The following SLC26A7 variants were observed in gnomAD, a reference collection of about 807,000 sequenced individuals.
SLC26A7 encodes anion exchange transporter.
In SLC26A7, 59 loss-of-function variants were observed where a neutral mutation model predicts 82.5. The ratio of observed to expected loss-of-function variants is 0.72; its 90% CI spans 0.58 to 0.89. The LOEUF (loss-of-function observed/expected upper bound fraction) is 0.89, where lower values mean the gene tolerates loss of function less well. SLC26A7 is among the 40% of genes least tolerant of loss of function. SLC26A7 has a pLI of 0.00. For missense variants in SLC26A7, 820 were observed against 793.0 expected (o/e 1.03, Z -0.41); for synonymous variants, 271 against 274.3 (o/e 0.99, Z 0.12).
chr8:91,333,102 C>CT (rs1813139798), intron 5 of SLC26A7, among the ~76,000 whole-genome samples: 1 of 152,044 alleles, frequency 6.6e-6, no homozygotes, highest in Non-Finnish European at 1.5e-5. Flanking sequence ...CTCACCCTAT[C>CT]TTTTTTGTGC....
intron 15 of SLC26A7, among the ~76,000 whole-genome samples, chr8:91,375,545 A>G (rs1003375790): frequency 1.3e-5 from 2 of 152,090 alleles, no homozygotes; most frequent in Non-Finnish European, 2.9e-5. Context: ...AGAAGGCTAA[A>G]AACAGACCCC....
intron 9 of SLC26A7, chr8:91,348,406 A>T (rs1294622364): frequency 1.0e-6 from 1 of 959,692 alleles, no homozygotes. Flanking sequence ...CTAGGTATGG[A>T]TAATAAAAAT....
intron 4 of SLC26A7, among the ~76,000 whole-genome samples, chr8:91,305,491 TATC>T (rs2130790269): frequency 6.6e-6 from 1 of 152,248 alleles, no homozygotes; most frequent in South Asian, 2.1e-4. Context: ...ATTTTAATAA[TATC>T]ATGCTTCCAA....
In SLC26A7 at chr8:91,298,235, AAGTGT is replaced by A. The variant is rs1812067532; in HGVS notation, c.477+2535_477+2539del. Among the ~76,000 whole-genome samples, 3 of 151,600 alleles carry A rather than the reference AAGTGT, an allele frequency of 2.0e-5. No homozygotes were observed. The South Asian group carries it at 6.2e-4, about 31-fold the overall frequency. On this transcript the variant is annotated intron_variant, in intron 4 of 18. Coordinates refer to ENST00000276609, the MANE Select transcript of SLC26A7 (RefSeq NM_052832.4). ...ACTGATAAGTAAGTTTCCCCCACTAAAGTGTAGCTTGTATTTGTCTAAATGTTCCC... is the reference window on the plus strand; with the variant it reads ...ACTGATAAGTAAGTTTCCCCCACTAAAGCTTGTATTTGTCTAAATGTTCCC...
chr8:91,370,750 A>G (rs1307071291), intron 15 of SLC26A7, among the ~76,000 whole-genome samples: 1 of 152,018 alleles, frequency 6.6e-6, no homozygotes, highest in African/African-American at 2.4e-5. Context: ...AAAGAGTTGA[A>G]TTGAAACAGA....
At chr8:91,310,173 G>A (rs1028867071) in intron 4 of SLC26A7, among the ~76,000 whole-genome samples, 1 of 152,122 alleles carries the variant, frequency 6.6e-6, no homozygotes, top group African/African-American at 2.4e-5. Flanking sequence ...TTCTAGGTTG[G>A]GGTGGAGGAG....
At chr8:91,274,360 G>A (rs1586349761) in intron 2 of SLC26A7, among the ~76,000 whole-genome samples, 1 of 152,198 alleles carries the variant, frequency 6.6e-6, no homozygotes, top group East Asian at 1.9e-4. Flanking sequence ...AAATTTATTG[G>A]CTCATAGATC....
At chr8:91,265,016 T>C (rs1282726926) in intron 2 of SLC26A7, among the ~76,000 whole-genome samples, 2 of 151,966 alleles carry the variant, frequency 1.3e-5, no homozygotes, top group African/African-American at 2.4e-5. Flanking sequence ...TTTGTGCCCA[T>C]TGGGTAATTT....
chr8:91,244,775 C>T (rs1166039271), upstream of SLC26A7, among the ~76,000 whole-genome samples: 3 of 152,018 alleles, frequency 2.0e-5, no homozygotes, highest in Non-Finnish European at 4.4e-5. Context: ...CCCACCCCTG[C>T]CTCCCAAAGT....
chr8:91,292,447 T>C (rs531105482), intron 3 of SLC26A7, among the ~76,000 whole-genome samples: 2 of 152,314 alleles, frequency 1.3e-5, no homozygotes, highest in South Asian at 2.1e-4. Context: ...CAAATTAATA[T>C]ACAGAACTTA....
chr8:91,293,811 C>T (rs1811942329), intron 3 of SLC26A7, among the ~76,000 whole-genome samples: 1 of 152,162 alleles, frequency 6.6e-6, no homozygotes, highest in Non-Finnish European at 1.5e-5. Context: ...GAGATTTAGA[C>T]ACCAAAAGAC....
intron 2 of SLC26A7, among the ~76,000 whole-genome samples, chr8:91,242,200 A>G (rs1810484154): frequency 6.6e-6 from 1 of 152,324 alleles, no homozygotes; most frequent in South Asian, 2.1e-4. Flanking sequence ...TTTTAATAGA[A>G]GTACTATATT....
upstream of SLC26A7, among the ~76,000 whole-genome samples, chr8:91,246,063 CA>C (rs1217007431): frequency 6.6e-6 from 1 of 152,158 alleles, no homozygotes; most frequent in Non-Finnish European, 1.5e-5. Context: ...AGAAGCTGAG[CA>C]AACAAAGATA....
chr8:91,334,421 G>C lies in SLC26A7; in HGVS notation c.769G>C (p.Val257Leu). Residue 257 changes from valine (V) to leucine (L), a missense_variant, in exon 6 of 19, where the codon GTT (valine) becomes CTT (leucine). Coordinates refer to ENST00000276609, the MANE Select transcript of SLC26A7 (RefSeq NM_052832.4). ...TGAACAGTTTAAAAGGAAAATTAAA[G>C]TTGTTCTTCCTGTAGATTTAGTTTT... is the stretch of plus-strand genomic sequence containing the variant. ...LNEQFKRKIK[V>L]VLPVDLVLII... 1 of 1,612,556 alleles carries C rather than the reference G, an allele frequency of 6.2e-7. No homozygotes were observed. Among genetic ancestry groups the C allele is most frequent in the Non-Finnish European group, 8.5e-7 (1 of 1,179,310 alleles).
intron 16 of SLC26A7, among the ~76,000 whole-genome samples, chr8:91,393,569 G>A (rs1808463775): frequency 6.6e-6 from 1 of 152,092 alleles, no homozygotes; most frequent in South Asian, 2.1e-4. Context: ...TGTGGAAAAG[G>A]TAAGCAGTCA....
Position 91,313,031 on chromosome 8 carries a change from T to C in SLC26A7, c.478-5185T>C, listed in dbSNP as rs187338614. On this transcript the variant is annotated intron_variant, in intron 4 of 18. Coordinates refer to ENST00000276609, the MANE Select transcript of SLC26A7 (RefSeq NM_052832.4). ...TTTGTTTAGTTTTTGGTGCCCATGCTTTTCATGTCATATTAAAAATAGCAC... is the reference window on the plus strand; with the variant it reads ...TTTGTTTAGTTTTTGGTGCCCATGCCTTTCATGTCATATTAAAAATAGCAC... 6.6e-5 allele frequency among the ~76,000 whole-genome samples: 10 copies of C among 152,284 alleles called. No homozygotes were observed. In the East Asian group the frequency reaches 1.7e-3, roughly 26 times the overall value.
chr8:91,231,749 T>C (rs909344697), intron 2 of SLC26A7, among the ~76,000 whole-genome samples: 1 of 152,058 alleles, frequency 6.6e-6, no homozygotes, highest in African/African-American at 2.4e-5. Context: ...AGGCAAATAC[T>C]GTATGACATA....
chr8:91,236,727 T>G (rs1378080762), intron 2 of SLC26A7, among the ~76,000 whole-genome samples: 2 of 152,230 alleles, frequency 1.3e-5, no homozygotes, highest in African/African-American at 2.4e-5. Flanking sequence ...ATATCATTTA[T>G]AGTTTAAATG....
chr8:91,259,326 T>A (rs1810895998), intron 2 of SLC26A7, among the ~76,000 whole-genome samples: 1 of 152,108 alleles, frequency 6.6e-6, no homozygotes, highest in Non-Finnish European at 1.5e-5. Context: ...CCTGTTCTTT[T>A]GTACATCATC....
Sources: gnomAD v4.1 joint callset for allele counts (sites outside exome capture counted in the v4.1 genomes callset) on GRCh38, gnomAD v4.1.1 for gene constraint, MANE v1.5 for transcripts, NCBI Gene and HGNC (gene_info 2026-07-23, HGNC 2026-07-21) for gene names.